Variants in FMN1 observed in about 807,000 individuals in gnomAD.
The protein encoded by FMN1 is formin 1, also known as formin-1.
A neutral mutation model predicts 132.4 loss-of-function variants in FMN1; 110 were observed. The observed-to-expected ratio is 0.83, with a 90% confidence interval of 0.71 to 0.97. The LOEUF (loss-of-function observed/expected upper bound fraction) is 0.97. FMN1 is among the 50% of genes least tolerant of loss of function. The pLI is 0.00. For missense variants in FMN1, 1,792 were observed against 1,705.3 expected (o/e 1.05, Z -0.90); for synonymous variants, 722 against 651.7 (o/e 1.11, Z -1.64).
chr15:32,852,609 C>G (rs1433083495), intron 17 of FMN1, among the ~76,000 whole-genome samples: 2 of 152,112 alleles, frequency 1.3e-5, no homozygotes, highest in African/African-American at 4.8e-5. Context: ...TCAAGTGATC[C>G]TCCTACCTCG....
chr15:33,047,877 A>T lies in FMN1; in HGVS notation c.2161+17080T>A, dbSNP rs150692391. 9.6e-3 allele frequency among the ~76,000 whole-genome samples: 1,461 copies of T among 151,878 alleles called. 25 individuals are homozygous for T. The highest frequency in any genetic ancestry group is 0.032 in the African/African-American group (1,324 of 41,446). ...CCATCCTAAAGCAAGTAATCCAATT[A>T]AAAAAAAACTTAGAAACTAGTAAAT... On this transcript the variant is annotated intron_variant, in intron 6 of 20. Coordinates refer to ENST00000616417, the MANE Select transcript of FMN1 (RefSeq NM_001277313.2).
intron 17 of FMN1, among the ~76,000 whole-genome samples, chr15:32,810,677 G>C (rs1237084017): frequency 6.6e-6 from 1 of 152,216 alleles, no homozygotes; most frequent in African/African-American, 2.4e-5. Context: ...GAGAGTGGCT[G>C]AAGGAGGAGG....
intron 17 of FMN1, among the ~76,000 whole-genome samples, chr15:32,829,629 A>G (rs2058454971): frequency 6.6e-6 from 1 of 152,242 alleles, no homozygotes; most frequent in South Asian, 2.1e-4. Flanking sequence ...ATGCAATCAC[A>G]TTCCAAGATA....
chr15:32,839,560 T>C (rs552227956), intron 17 of FMN1, among the ~76,000 whole-genome samples: 1 of 152,124 alleles, frequency 6.6e-6, no homozygotes, highest in Non-Finnish European at 1.5e-5. Flanking sequence ...TTAATGATGA[T>C]AAGCTACTCC....
intron 19 of FMN1, among the ~76,000 whole-genome samples, chr15:32,786,993 G>A (rs2056901937): frequency 6.6e-6 from 1 of 152,200 alleles, no homozygotes; most frequent in Non-Finnish European, 1.5e-5. Flanking sequence ...AAGTGAGATC[G>A]TAGAGACCTG....
At chr15:32,782,085 T>A (rs2056683375) in intron 19 of FMN1, among the ~76,000 whole-genome samples, 1 of 152,230 alleles carries the variant, frequency 6.6e-6, no homozygotes, top group African/African-American at 2.4e-5. Flanking sequence ...GTAATTGCTC[T>A]TTTCTTAAAT....
At chr15:32,810,549 G>C (rs1026080945) in intron 17 of FMN1, among the ~76,000 whole-genome samples, 1 of 152,118 alleles carries the variant, frequency 6.6e-6, no homozygotes. Context: ...TTGAAAAAGA[G>C]AAAGTTTTTA....
chr15:32,855,469 TGG>T (rs1047089149), intron 17 of FMN1, among the ~76,000 whole-genome samples: 7 of 152,306 alleles, frequency 4.6e-5, no homozygotes, highest in Non-Finnish European at 7.3e-5. Flanking sequence ...TTATCCCAAA[TGG>T]GGATTTGCAA....
At chr15:32,863,798 T>C (rs548851196) in intron 16 of FMN1, among the ~76,000 whole-genome samples, 4 of 152,332 alleles carry the variant, frequency 2.6e-5, no homozygotes, top group African/African-American at 9.6e-5. Context: ...TTTAGCTTCC[T>C]GCCCCCAAAC....
chr15:32,966,481 A>AGG (rs140922937), intron 8 of FMN1, among the ~76,000 whole-genome samples: 1 of 152,104 alleles, frequency 6.6e-6, no homozygotes, highest in African/African-American at 2.4e-5. Flanking sequence ...AAAGGAAGGC[A>AGG]GGGGGAGAGA....
chr15:32,836,401 T>A (rs1295364829), intron 17 of FMN1, among the ~76,000 whole-genome samples: 2 of 152,206 alleles, frequency 1.3e-5, no homozygotes, highest in African/African-American at 4.8e-5. Context: ...GATAGTATAG[T>A]TCACATTTTC....
intron 4 of FMN1, among the ~76,000 whole-genome samples, chr15:33,122,146 C>G (rs1171165957): frequency 2.0e-5 from 3 of 152,304 alleles, no homozygotes; most frequent in Middle Eastern, 3.4e-3. Context: ...CAAATTATCC[C>G]TTGTCCACGG....
intron 1 of FMN1, among the ~76,000 whole-genome samples, chr15:33,194,312 G>C (rs2140369946): frequency 6.8e-6 from 1 of 147,828 alleles, no homozygotes; most frequent in African/African-American, 2.5e-5. Flanking sequence ...GGTCAAGGGG[G>C]CTGGGACCTG....
intron 4 of FMN1, among the ~76,000 whole-genome samples, chr15:33,091,311 A>C (rs970210346): frequency 6.6e-6 from 1 of 152,158 alleles, no homozygotes; most frequent in Admixed American, 6.5e-5. Context: ...ACACATGCAA[A>C]CCCCTCACAC....
chr15:33,015,670 C>G (rs1024940692), intron 6 of FMN1, among the ~76,000 whole-genome samples: 4 of 151,652 alleles, frequency 2.6e-5, no homozygotes, highest in African/African-American at 9.7e-5. Context: ...TACCCACTAC[C>G]TCACATTGTT....
chr15:32,918,171 T>C (rs1005935235), intron 10 of FMN1, among the ~76,000 whole-genome samples: 1 of 151,978 alleles, frequency 6.6e-6, no homozygotes, highest in Non-Finnish European at 1.5e-5. Context: ...ATAAAATCTC[T>C]AGTAACATAA....
intron 6 of FMN1, among the ~76,000 whole-genome samples, chr15:33,034,137 G>A (rs1048264591): frequency 2.0e-4 from 30 of 152,096 alleles, no homozygotes; most frequent in African/African-American, 6.3e-4. Context: ...GTTTCCCAAT[G>A]CCACACTCAT....
At chr15:32,893,404 A>G (rs1438148293) in intron 15 of FMN1, among the ~76,000 whole-genome samples, 6 of 148,838 alleles carry the variant, frequency 4.0e-5, no homozygotes, top group East Asian at 3.8e-4. Context: ...GCGCGCTAGA[A>G]AAAAGGAAAT....
chr15:32,817,191 A>G (rs2058083636), intron 17 of FMN1, among the ~76,000 whole-genome samples: 1 of 152,208 alleles, frequency 6.6e-6, no homozygotes, highest in African/African-American at 2.4e-5. Context: ...AATTGTTCAG[A>G]TGTTTAGTCA....
Sources: gnomAD v4.1 joint callset for allele counts (sites outside exome capture counted in the v4.1 genomes callset) on GRCh38, gnomAD v4.1.1 for gene constraint, MANE v1.5 for transcripts, NCBI Gene and HGNC (gene_info 2026-07-23, HGNC 2026-07-21) for gene names.